Variants in NRXN1 observed in about 807,000 individuals in gnomAD.
The protein encoded by NRXN1 is neurexin 1.
Under a neutral mutation model 150.9 loss-of-function variants are expected in NRXN1, and 39 were observed. The ratio of observed to expected loss-of-function variants is 0.26; its 90% CI spans 0.20 to 0.34. NRXN1 has a LOEUF of 0.34. NRXN1 is among the 10% of genes least tolerant of loss of function. The probability of loss-of-function intolerance (pLI) is 1.00; values close to 1 mark genes in which losing one functional copy is unlikely to be tolerated. For missense variants in NRXN1, 1,815 were observed against 1,949.9 expected, an observed-to-expected ratio of 0.93 and a Z score of 1.30; for synonymous variants, 924 against 757.0, an observed-to-expected ratio of 1.22 and a Z score of -3.62.
chr2:51,019,447 ACTTCAAGAGGTG>A (rs1669252535), intron 2 of NRXN1, among the ~76,000 whole-genome samples: 1 of 152,108 alleles, frequency 6.6e-6, no homozygotes. Context: ...ATTATTCTCA[ACTTCAAGAGGTG>A]CTTATGACCT....
intron 13 of NRXN1, among the ~76,000 whole-genome samples, chr2:50,501,283 G>T (rs2091924485): frequency 6.6e-6 from 1 of 152,064 alleles, no homozygotes; most frequent in South Asian, 2.1e-4. Flanking sequence ...TGACCCACAT[G>T]GGATTGAAAG....
chr2:50,998,873 G>T (rs1275654869), intron 2 of NRXN1, among the ~76,000 whole-genome samples: 1 of 151,978 alleles, frequency 6.6e-6, no homozygotes, highest in East Asian at 1.9e-4. Flanking sequence ...AATTAATATA[G>T]AAATGGATGA....
chr2:51,020,114 G>A (rs1057288268), intron 2 of NRXN1, among the ~76,000 whole-genome samples: 2 of 150,892 alleles, frequency 1.3e-5, no homozygotes, highest in East Asian at 2.0e-4. Flanking sequence ...TACATTTTAC[G>A]TATATAGTTC....
At chr2:50,350,496 G>A (rs755773015) in intron 17 of NRXN1, among the ~76,000 whole-genome samples, 1 of 152,116 alleles carries the variant, frequency 6.6e-6, no homozygotes, top group Non-Finnish European at 1.5e-5. Flanking sequence ...CATGTGCATT[G>A]GGAACACAAA....
intron 15 of NRXN1, among the ~76,000 whole-genome samples, chr2:50,486,049 A>G (rs1366480763): frequency 6.6e-6 from 1 of 152,206 alleles, no homozygotes; most frequent in East Asian, 1.9e-4. Context: ...TAATTACCTT[A>G]ACAGTGAACC....
At chr2:50,500,209 C>G (rs1347386716) in intron 13 of NRXN1, among the ~76,000 whole-genome samples, 1 of 152,038 alleles carries the variant, frequency 6.6e-6, no homozygotes, top group African/African-American at 2.4e-5. Flanking sequence ...CCAGTTAATT[C>G]CAGACTAAGG....
intron 5 of NRXN1, among the ~76,000 whole-genome samples, chr2:50,892,083 G>A (rs777397104): frequency 2.5e-4 from 38 of 152,078 alleles, no homozygotes; most frequent in African/African-American, 8.9e-4. Context: ...AAAGAGGATA[G>A]TTCTGAAGCC....
At chr2:50,220,757 C>T (rs903247605) in intron 18 of NRXN1, among the ~76,000 whole-genome samples, 1 of 151,866 alleles carries the variant, frequency 6.6e-6, no homozygotes, top group Non-Finnish European at 1.5e-5. Context: ...TTTTTCCAGA[C>T]ACAAGCAATT....
chr2:50,455,180 C>A (rs542765977), intron 17 of NRXN1, among the ~76,000 whole-genome samples: 3 of 152,104 alleles, frequency 2.0e-5, no homozygotes, highest in South Asian at 4.2e-4. Context: ...TAAAAGAATG[C>A]CAGAAAAACT....
intron 18 of NRXN1, among the ~76,000 whole-genome samples, chr2:50,121,664 A>G (rs957121011): frequency 2.0e-5 from 3 of 152,192 alleles, no homozygotes; most frequent in Non-Finnish European, 4.4e-5. Context: ...CAACCAGGAG[A>G]ACATAGAGTA....
chr2:50,448,646 C>T (rs1271438212), intron 17 of NRXN1, among the ~76,000 whole-genome samples: 1 of 152,028 alleles, frequency 6.6e-6, no homozygotes, highest in Non-Finnish European at 1.5e-5. Context: ...CTTTTATTAC[C>T]CTAATAGTTT....
intron 18 of NRXN1, among the ~76,000 whole-genome samples, chr2:50,211,078 A>G (rs1452905463): frequency 4.0e-5 from 6 of 151,674 alleles, no homozygotes; most frequent in African/African-American, 1.4e-4. Context: ...AAATGTGGAC[A>G]TACCAAACTG....
chr2:50,996,398 T>C (rs956512818), intron 2 of NRXN1, among the ~76,000 whole-genome samples: 1 of 152,096 alleles, frequency 6.6e-6, no homozygotes, highest in Non-Finnish European at 1.5e-5. Context: ...ACAAGCTTTA[T>C]CATTTAGAGT....
At chr2:50,300,783 C>T (rs112652005) in intron 17 of NRXN1, among the ~76,000 whole-genome samples, 1 of 152,266 alleles carries the variant, frequency 6.6e-6, no homozygotes, top group African/African-American at 2.4e-5. Context: ...GCAATCTCCG[C>T]CTCCCAGGTT....
chr2:50,269,694 G>A (rs2069332759), intron 17 of NRXN1, among the ~76,000 whole-genome samples: 1 of 152,092 alleles, frequency 6.6e-6, no homozygotes, highest in South Asian at 2.1e-4. Context: ...CAAACTAGTC[G>A]AGTTTTCTCA....
chr2:50,254,124 C>T (rs2067445262), intron 17 of NRXN1, among the ~76,000 whole-genome samples: 1 of 151,892 alleles, frequency 6.6e-6, no homozygotes. Flanking sequence ...AATTCAACTT[C>T]TTCCTGGTTT....
chr2:50,617,460 G>C (rs981012083), intron 8 of NRXN1, among the ~76,000 whole-genome samples: 1 of 151,298 alleles, frequency 6.6e-6, no homozygotes, highest in African/African-American at 2.4e-5. Flanking sequence ...CCCTCCAAGT[G>C]AGGTATGTTT....
At chr2:50,976,226 G>A (rs1445900211) in intron 2 of NRXN1, among the ~76,000 whole-genome samples, 1 of 148,990 alleles carries the variant, frequency 6.7e-6, no homozygotes, top group Non-Finnish European at 1.5e-5. Flanking sequence ...AACTCACTAG[G>A]TGCACAAAGG....
chr2:50,497,685 C>G lies in NRXN1; in HGVS notation c.2527G>C (p.Glu843Gln), dbSNP rs200922914. Residue 843 changes from glutamate (E) to glutamine (Q), a missense_variant, in exon 14 of 23, where the codon GAG becomes CAG. Physicochemically the swap from Glu to Gln is conservative, Grantham distance 29. This residue lies in a region of NRXN1 where 638 missense variants were observed against 652.6 expected (regional missense o/e 0.98). Coordinates refer to ENST00000401669, the MANE Select transcript of NRXN1 (RefSeq NM_001330078.2). The stretch of plus-strand genomic sequence containing the variant: ...ATGCCAGTCTCTATGTTATGGAACT[C>G]CAGCCTAGTATGATCACCTGCCATT... ...GQMAGDHTRL[E>Q]FHNIETGIIT... 6.2e-7 allele frequency: 1 copy of G among 1,613,288 alleles called. No homozygotes were observed. Among genetic ancestry groups the G allele is most frequent in the Non-Finnish European group, 8.5e-7 (1 of 1,179,406 alleles).
Sources: allele counts gnomAD v4.1 joint callset (sites outside exome capture counted in the v4.1 genomes callset), GRCh38; gene constraint gnomAD v4.1.1; regional missense constraint gnomAD v4.1.1; transcripts MANE v1.5; gene names NCBI Gene and HGNC (gene_info 2026-07-23, HGNC 2026-07-21).